The following RESF1 variants were observed in gnomAD, a reference collection of about 807,000 sequenced individuals.
RESF1 encodes retroelement silencing factor 1, also known as gonad expressed transcript.
RESF1 carries 65 observed loss-of-function variants against 134.7 expected under a neutral mutation model. The ratio of observed to expected loss-of-function variants is 0.48; its 90% CI spans 0.40 to 0.59. The LOEUF is 0.59. Ranked by LOEUF, RESF1 falls within the 20% of genes least tolerant of loss-of-function variation. The pLI is 0.00. For synonymous variants in RESF1, 762 were observed against 702.2 expected, an observed-to-expected ratio of 1.09 and a Z score of -1.35; for missense variants, 2,274 against 2,002.7, an observed-to-expected ratio of 1.14 and a Z score of -2.59.
Position 31,985,428 on chromosome 12 carries a change from T to G in RESF1, c.4473T>G (p.Cys1491Trp). Residue 1491 changes from cysteine to tryptophan, a missense_variant, in exon 4 of 6, where the codon TGT becomes TGG. By Grantham distance (215) the Cys-to-Trp change is radical. Coordinates refer to ENST00000312561, the MANE Select transcript of RESF1 (RefSeq NM_018169.4). ...PSKLAVQVESCGKSNEKHSSG... is the reference protein window; with the variant it reads ...PSKLAVQVESWGKSNEKHSSG... ...AACTTGCCGTGCAGGTTGAAAGTTG[T>G]GGGAAATCAAATGAGAAACACAGCA... The G allele has an allele frequency of 1.2e-6, 2 of 1,606,042 alleles. No homozygotes were observed. Among genetic ancestry groups the G allele is most frequent in the Non-Finnish European group, 1.7e-6 (2 of 1,177,908 alleles).
Position 31,981,884 on chromosome 12 carries a change from A to G in RESF1, c.929A>G (p.Glu310Gly). Residue 310 changes from glutamate to glycine, a missense_variant, in exon 4 of 6, where the codon GAA becomes GGA. Transcript: ENST00000312561. ...HLSMEVPQSREMLSSEIRTSF... is the reference protein window; with the variant it reads ...HLSMEVPQSRGMLSSEIRTSF... ...TCTATGGAAGTTCCTCAGAGTCGAG[A>G]AATGCTGTCATCTGAAATAAGGACC... 1 of 1,614,178 alleles carries G rather than the reference A, an allele frequency of 6.2e-7. No individual in the cohort carries two copies. Among genetic ancestry groups the G allele is most frequent in the Non-Finnish European group, 8.5e-7 (1 of 1,180,014 alleles).
intron 3 of RESF1, among the ~76,000 whole-genome samples, chr12:31,971,627 TC>T (rs1939510064): frequency 6.6e-6 from 1 of 152,222 alleles, no homozygotes; most frequent in South Asian, 2.1e-4. Context: ...CTGGTCTTTA[TC>T]CCTGTTTTCA....
intron 2 of RESF1, among the ~76,000 whole-genome samples, chr12:31,968,886 A>G (rs1305019186): frequency 1.3e-5 from 2 of 152,210 alleles, no homozygotes; most frequent in Non-Finnish European, 2.9e-5. Context: ...GGCTGTTAAT[A>G]GTACTTTGAT....
chr12:31,968,368 A>G (rs1245743236), intron 2 of RESF1, among the ~76,000 whole-genome samples: 1 of 151,966 alleles, frequency 6.6e-6, no homozygotes, highest in Non-Finnish European at 1.5e-5. Flanking sequence ...AAATCATGCT[A>G]TGTCTGTGGT....
chr12:31,985,750 A>G lies in RESF1; in HGVS notation c.4795A>G (p.Lys1599Glu), dbSNP rs748457813. ...TGAACGTGAAAGCATTTCTCTCACC[A>G]AATTAGAAAGTTCACCCAGGAAGCT... ...CTERESISLT[K>E]LESSPRKLHK... The change falls in exon 4 of 6, where the codon AAA (lysine) becomes GAA (glutamate). Residue 1599 changes from lysine (K) to glutamate (E), a missense_variant. Physicochemically the swap from Lys to Glu is moderately conservative, Grantham distance 56. Coordinates refer to ENST00000312561, the MANE Select transcript of RESF1 (RefSeq NM_018169.4). 1.9e-6 allele frequency: 3 copies of G among 1,580,844 alleles called. No homozygotes were observed. Among genetic ancestry groups the G allele is most frequent in the Non-Finnish European group, 2.6e-6 (3 of 1,169,154 alleles).
At chr12:31,961,604 A>AT (rs1398736842) in intron 2 of RESF1, among the ~76,000 whole-genome samples, 1 of 152,254 alleles carries the variant, frequency 6.6e-6, no homozygotes, top group African/African-American at 2.4e-5. Flanking sequence ...CTTAGCAGAA[A>AT]TTCAGCTGGT....
At chr12:31,970,710 G>T (rs1939487310) in intron 3 of RESF1, among the ~76,000 whole-genome samples, 2 of 152,334 alleles carry the variant, frequency 1.3e-5, no homozygotes, top group South Asian at 4.1e-4. Context: ...ACACTCAAAA[G>T]GGTGCTGCTT....
At chr12:31,991,859 T>C (rs953081493) in intron 5 of RESF1, among the ~76,000 whole-genome samples, 1 of 152,206 alleles carries the variant, frequency 6.6e-6, no homozygotes, top group African/African-American at 2.4e-5. Flanking sequence ...CAACATATTT[T>C]CAATAGGTGA....
rs74709264 is a variant in RESF1, at chr12:31,976,998, T to A, written c.-78-3880T>A. Among the ~76,000 whole-genome samples, 1,005 of 152,324 alleles carry A rather than the reference T, an allele frequency of 6.6e-3. 6 individuals are homozygous for A. Among genetic ancestry groups the A allele is most frequent in the Non-Finnish European group, 9.8e-3 (669 of 68,034 alleles). ...AATTCCCTATATAGGCTGGATATGA[T>A]CTCTTTGCTATGTATTGCGAATATA... On this transcript the variant is annotated intron_variant, in intron 3 of 5. Coordinates refer to ENST00000312561, the MANE Select transcript of RESF1 (RefSeq NM_018169.4).
At chr12:31,988,480 AT>A (rs1565489379) in intron 5 of RESF1, among the ~76,000 whole-genome samples, 14 of 152,326 alleles carry the variant, frequency 9.2e-5, no homozygotes, top group African/African-American at 3.1e-4. Flanking sequence ...GCTTTAGGTT[AT>A]ATACAATATA....
intron 2 of RESF1, among the ~76,000 whole-genome samples, chr12:31,967,676 G>T (rs7315653): frequency 0.32 from 24,743 of 78,414 alleles, 2,346 homozygotes; most frequent in East Asian, 0.51. Context: ...TGTTTTTTTT[G>T]TGTGTGTGTG....
At position 31,985,159 on chromosome 12, in the gene RESF1, G is replaced by A. The variant is rs1939935149; in HGVS notation, c.4204G>A (p.Gly1402Arg). 6.4e-7 allele frequency: 1 copy of A among 1,556,290 alleles called. No individual in the cohort carries two copies. Among genetic ancestry groups the A allele is most frequent in the Admixed American group, 2.2e-5 (1 of 45,652 alleles). The change falls in exon 4 of 6, where the codon GGA becomes AGA. Residue 1402 changes from glycine (G) to arginine (R), a missense_variant. Transcript: ENST00000312561. ...HDKQEQKGSVGATFKLGDSLS... is the reference protein window; with the variant it reads ...HDKQEQKGSVRATFKLGDSLS... Reference sequence around the variant, plus strand: ...TAAACAAGAACAGAAAGGAAGTGTGGGAGCTACATTCAAATTAGGTGACTC... The same window carrying A: ...TAAACAAGAACAGAAAGGAAGTGTGAGAGCTACATTCAAATTAGGTGACTC...
In RESF1 at chr12:31,982,745, C is replaced by G; in HGVS notation, c.1790C>G (p.Thr597Arg). Reference sequence around the variant, plus strand: ...TCACAGGCACGTAAGACTCAGAAGACAGTATTAAAAGATGCTAATCAAACT... The same window carrying G: ...TCACAGGCACGTAAGACTCAGAAGAGAGTATTAAAAGATGCTAATCAAACT... ...LLSQARKTQK[T>R]VLKDANQTIQ... The change falls in exon 4 of 6, where the codon ACA (threonine) becomes AGA (arginine). Residue 597 changes from threonine (T) to arginine (R), a missense_variant. Physicochemically the swap from Thr to Arg is moderately conservative, Grantham distance 71. Coordinates refer to ENST00000312561, the MANE Select transcript of RESF1 (RefSeq NM_018169.4). 1 of 1,613,880 alleles carries G rather than the reference C, an allele frequency of 6.2e-7. No homozygotes were observed. Among genetic ancestry groups the G allele is most frequent in the Non-Finnish European group, 8.5e-7 (1 of 1,179,828 alleles).
rs948644279 is a variant in RESF1, at chr12:31,988,240, T to C, written c.5086+918T>C. On this transcript the variant is annotated intron_variant, in intron 5 of 5. Coordinates refer to ENST00000312561, the MANE Select transcript of RESF1 (RefSeq NM_018169.4). ...GGGACTTGAATCTGGTCCCCTCTTT[T>C]CAAAGTCCATTAAGTGTGGTTGAGG... Among the ~76,000 whole-genome samples, 14 of 152,290 alleles carry C rather than the reference T, an allele frequency of 9.2e-5. No individual in the cohort carries two copies. The East Asian group carries it at 2.7e-3, about 29-fold the overall frequency.
chr12:31,992,167 A>G (rs576278149), intron 5 of RESF1, among the ~76,000 whole-genome samples: 1 of 152,194 alleles, frequency 6.6e-6, no homozygotes, highest in Non-Finnish European at 1.5e-5. Flanking sequence ...AGGAGGCAGG[A>G]GTAGAAAACA....
chr12:31,966,906 C>T (rs1037540710), intron 2 of RESF1, among the ~76,000 whole-genome samples: 1 of 152,144 alleles, frequency 6.6e-6, no homozygotes, highest in Non-Finnish European at 1.5e-5. Context: ...CACCGTGGTG[C>T]CCTGATGACT....
At position 31,987,247 on chromosome 12, in the gene RESF1, A is replaced by G. The variant is rs1162854842; in HGVS notation, c.5011A>G (p.Ile1671Val). The change falls in exon 5 of 6, where the codon ATA (isoleucine) becomes GTA (valine). Residue 1671 changes from isoleucine to valine, a missense_variant. Ile to Val is a conservative substitution (Grantham distance 29). Transcript: ENST00000312561. Reference protein sequence around the residue: ...KEQAPLQVSGIKSTKEDWLKF... With the variant: ...KEQAPLQVSGVKSTKEDWLKF... ...AATGAATATTTAAATAGTTTCAGGA[A>G]TAAAAAGTACAAAAGAAGACTGGTT... The G allele has an allele frequency of 1.3e-6, 2 of 1,554,364 alleles. No homozygotes were observed. The highest frequency in any genetic ancestry group is 2.7e-5 in the African/African-American group (2 of 73,570).
intron 3 of RESF1, among the ~76,000 whole-genome samples, chr12:31,978,195 A>ATG (rs1939680140): frequency 1.3e-5 from 2 of 152,146 alleles, no homozygotes; most frequent in African/African-American, 4.8e-5. Context: ...GAGATGTGAC[A>ATG]CATCCTTCAT....
intron 2 of RESF1, among the ~76,000 whole-genome samples, chr12:31,962,178 A>G (rs1052848771): frequency 4.0e-5 from 6 of 151,034 alleles, no homozygotes; most frequent in South Asian, 2.1e-4. Flanking sequence ...AAGTCACCCC[A>G]TCGTACTGCA....
Sources: gnomAD v4.1 joint callset for allele counts (sites outside exome capture counted in the v4.1 genomes callset) on GRCh38, gnomAD v4.1.1 for gene constraint, MANE v1.5 for transcripts, NCBI Gene and HGNC (gene_info 2026-07-23, HGNC 2026-07-21) for gene names.